Variants in DIAPH2 observed in about 807,000 individuals in gnomAD.
The protein encoded by DIAPH2 is protein diaphanous homolog 2.
A neutral mutation model predicts 92.7 loss-of-function variants in DIAPH2; 35 were observed. The ratio of observed to expected loss-of-function variants is 0.38; its 90% confidence interval spans 0.29 to 0.50. DIAPH2 has a LOEUF of 0.50. Ranked by LOEUF, DIAPH2 falls within the 20% of genes least tolerant of loss-of-function variation. The pLI, the probability that DIAPH2 is intolerant of heterozygous loss-of-function variation, is 0.94. For synonymous variants in DIAPH2, 301 were observed against 280.4 expected (o/e 1.07, Z -0.73); for missense variants, 701 against 819.5 (o/e 0.86, Z 1.77).
At chrX:97,590,432 T>C (rs2071509665) in intron 26 of DIAPH2, among the ~76,000 whole-genome samples, 1 of 112,231 alleles carries the variant, frequency 8.9e-6, no homozygotes, top group African/African-American at 3.2e-5. Flanking sequence ...GACAGGTAAG[T>C]GTATTCTAAG....
chrX:97,271,850 C>T (rs959043971), intron 23 of DIAPH2, among the ~76,000 whole-genome samples: 2 of 106,615 alleles, frequency 1.9e-5, no homozygotes, highest in African/African-American at 6.8e-5. Context: ...CACACACATG[C>T]GTACAGACAT....
intron 17 of DIAPH2, among the ~76,000 whole-genome samples, chrX:97,037,648 T>C (rs1212141339): frequency 8.9e-6 from 1 of 111,913 alleles, no homozygotes; most frequent in Non-Finnish European, 1.9e-5. Context: ...CTTTCAGTGA[T>C]GGTTTCCCTA....
intron 2 of DIAPH2, among the ~76,000 whole-genome samples, chrX:96,736,375 A>G (rs2064087785): frequency 9.0e-6 from 1 of 110,569 alleles, no homozygotes; most frequent in African/African-American, 3.3e-5. Flanking sequence ...CTCAAAGGAG[A>G]TGAAGGTATG....
intron 23 of DIAPH2, among the ~76,000 whole-genome samples, chrX:97,296,014 G>C (rs2068640453): frequency 9.0e-6 from 1 of 111,098 alleles, no homozygotes; most frequent in Non-Finnish European, 1.9e-5. Flanking sequence ...TTACAGGGTT[G>C]AGCCACCATA....
chrX:96,833,224 A>C (rs1330125749), intron 4 of DIAPH2, among the ~76,000 whole-genome samples: 1 of 111,623 alleles, frequency 9.0e-6, no homozygotes, highest in Non-Finnish European at 1.9e-5. Flanking sequence ...TTTGGAATTA[A>C]ACATTTATTG....
intron 17 of DIAPH2, among the ~76,000 whole-genome samples, chrX:97,002,308 A>G: frequency 9.0e-6 from 1 of 111,089 alleles, no homozygotes; most frequent in East Asian, 2.8e-4. Context: ...ATATACATAT[A>G]TATGTTTGCA....
At chrX:97,577,524 G>T (rs888513203) in intron 26 of DIAPH2, among the ~76,000 whole-genome samples, 2 of 112,157 alleles carry the variant, frequency 1.8e-5, no homozygotes, top group Admixed American at 1.9e-4. Flanking sequence ...AGGAGAGAAA[G>T]ATCAGCGAAG....
At chrX:97,527,231 C>T (rs759526804) in intron 26 of DIAPH2, among the ~76,000 whole-genome samples, 1 of 112,009 alleles carries the variant, frequency 8.9e-6, no homozygotes, top group Non-Finnish European at 1.9e-5. Flanking sequence ...CTGGGTCGTA[C>T]ATGAAAATTA....
intron 23 of DIAPH2, among the ~76,000 whole-genome samples, chrX:97,255,819 AG>A (rs2068231719): frequency 8.9e-6 from 1 of 112,186 alleles, no homozygotes; most frequent in Non-Finnish European, 1.9e-5. Context: ...CATATTTTTA[AG>A]GGTCCGTTAG....
At chrX:97,400,980 C>T (rs1254869672) in intron 25 of DIAPH2, among the ~76,000 whole-genome samples, 1 of 108,123 alleles carries the variant, frequency 9.2e-6, no homozygotes, top group Non-Finnish European at 1.9e-5. Flanking sequence ...GATCCTCCTG[C>T]GTCAGCCTCC....
In DIAPH2 at chrX:96,753,906, G is replaced by A. The variant is rs954168988; in HGVS notation, c.343-4248G>A. Among the ~76,000 whole-genome samples, 3 of 112,310 alleles carry A rather than the reference G, an allele frequency of 2.7e-5. No individual in the cohort carries two copies. In the East Asian group the frequency reaches 8.4e-4, roughly 31 times the overall value. ...CTGTTGCCACCTACATCAGCAAAAT[G>A]AATGGCCTATTCGTGGCCTGCTTCC... is the stretch of plus-strand genomic sequence containing the variant. On this transcript the variant is annotated intron_variant, in intron 3 of 26. Transcript: ENST00000324765.
chrX:96,987,847 A>G (rs1037533560), intron 17 of DIAPH2, among the ~76,000 whole-genome samples: 2 of 111,371 alleles, frequency 1.8e-5, no homozygotes, highest in African/African-American at 3.2e-5. Context: ...AGTATCCAAT[A>G]AGAGAAAAAC....
chrX:97,469,706 C>G (rs1484543218), intron 26 of DIAPH2: 2 of 1,206,520 alleles, frequency 1.7e-6, no homozygotes, highest in Admixed American at 4.4e-5. Context: ...GTAAATCATC[C>G]CTGTGCAACA....
chrX:97,557,256 A>C (rs2071263646), intron 26 of DIAPH2, among the ~76,000 whole-genome samples: 1 of 111,802 alleles, frequency 8.9e-6, no homozygotes, highest in Non-Finnish European at 1.9e-5. Flanking sequence ...TTGGGGCTTT[A>C]GGCCAGGCAC....
intron 26 of DIAPH2, among the ~76,000 whole-genome samples, chrX:97,579,489 G>T (rs780993252): frequency 6.8e-4 from 75 of 109,672 alleles, no homozygotes; most frequent in African/African-American, 2.5e-3. Flanking sequence ...GATAGGCGGC[G>T]TTATTTCTGA....
At chrX:96,745,968 T>C (rs755828072) in intron 3 of DIAPH2, among the ~76,000 whole-genome samples, 2 of 112,294 alleles carry the variant, frequency 1.8e-5, no homozygotes, top group Non-Finnish European at 3.8e-5. Context: ...GGTTGTATCA[T>C]GGGTCACAGC....
intron 26 of DIAPH2, among the ~76,000 whole-genome samples, chrX:97,578,251 T>A (rs1339807904): frequency 1.9e-5 from 2 of 105,730 alleles, no homozygotes; most frequent in African/African-American, 6.9e-5. Context: ...ACATGTGCCG[T>A]GCTGGTGTGC....
chrX:97,178,612 C>T (rs1440208873), intron 22 of DIAPH2, among the ~76,000 whole-genome samples: 1 of 108,959 alleles, frequency 9.2e-6, no homozygotes, highest in Non-Finnish European at 1.9e-5. Flanking sequence ...ACCATCACGC[C>T]TGGCTAATTT....
At chrX:96,800,598 A>G (rs1210000498) in intron 4 of DIAPH2, among the ~76,000 whole-genome samples, 2 of 112,189 alleles carry the variant, frequency 1.8e-5, no homozygotes, top group Non-Finnish European at 3.8e-5. Flanking sequence ...AGCCTTTCCT[A>G]TCATTTGGCA....
Sources: gnomAD v4.1 joint callset for allele counts (sites outside exome capture counted in the v4.1 genomes callset) on GRCh38, gnomAD v4.1.1 for gene constraint, MANE v1.5 for transcripts, NCBI Gene and HGNC (gene_info 2026-07-23, HGNC 2026-07-21) for gene names.